The following FOXK2 variants were observed in gnomAD, a reference collection of about 807,000 sequenced individuals.
FOXK2 encodes forkhead box protein K2.
FOXK2 carries 24 observed loss-of-function variants against 53.3 expected under a neutral mutation model. The observed-to-expected ratio is 0.45, with a 90% CI of 0.33 to 0.63. The LOEUF is 0.63. FOXK2 is among the 30% of genes least tolerant of loss of function. The probability of loss-of-function intolerance (pLI) is 0.03; values close to 1 mark genes in which losing one functional copy is unlikely to be tolerated. For synonymous variants in FOXK2, 505 were observed against 407.1 expected (o/e 1.24, Z -2.89); for missense variants, 952 against 910.5 (o/e 1.05, Z -0.59).
chr17:82,585,884 C>A lies in FOXK2; in HGVS notation c.1280-20C>A. 2 of 1,599,598 alleles carry A rather than the reference C, an allele frequency of 1.3e-6. No individual in the cohort carries two copies. Among genetic ancestry groups the A allele is most frequent in the Non-Finnish European group, 1.7e-6 (2 of 1,170,906 alleles). On this transcript the variant is annotated intron_variant, in intron 6 of 8. Transcript: ENST00000335255. ...GAAGTCAGTATCTGTAAGTGTCAGT[C>A]CTGCTGTGTCTTTCACCAGGGTCAC...
intron 1 of FOXK2, among the ~76,000 whole-genome samples, chr17:82,544,856 T>C (rs1304222838): frequency 6.6e-6 from 1 of 152,092 alleles, no homozygotes; most frequent in Non-Finnish European, 1.5e-5. Flanking sequence ...GCAGTGCTAC[T>C]GTCTGTCCCC....
At chr17:82,551,771 G>A (rs1177917159) in intron 1 of FOXK2, among the ~76,000 whole-genome samples, 3 of 152,202 alleles carry the variant, frequency 2.0e-5, no homozygotes, top group African/African-American at 7.2e-5. Flanking sequence ...GCTATTTAGG[G>A]TTTCTAATGT....
chr17:82,533,339 A>C (rs2044490131), intron 1 of FOXK2, among the ~76,000 whole-genome samples: 1 of 152,086 alleles, frequency 6.6e-6, no homozygotes. Context: ...AAATGCAAAA[A>C]ATTAGCCAGG....
intron 8 of FOXK2, among the ~76,000 whole-genome samples, chr17:82,597,096 C>A (rs1403904195): frequency 6.6e-6 from 1 of 152,184 alleles, no homozygotes; most frequent in Non-Finnish European, 1.5e-5. Context: ...CGCGCTAAGC[C>A]GTGACTCCCT....
rs923450871 is a variant in FOXK2 at position 82,588,410 on chromosome 17, C to T, written c.1786+1138C>T. 23 of 163,234 alleles carry T rather than the reference C, an allele frequency of 1.4e-4. No homozygotes were observed. In the South Asian group the frequency reaches 1.6e-3, roughly 11 times the overall value. The allele number at this position is 163,234 out of a possible 1,614,324, so 10.1% of individuals were successfully genotyped here. On this transcript the variant is annotated intron_variant, in intron 8 of 8. Coordinates refer to ENST00000335255, the MANE Select transcript of FOXK2 (RefSeq NM_004514.4). The stretch of plus-strand genomic sequence containing the variant: ...GGAGGGCTGGCGATTGGAGGGCAGG[C>T]GGTTGGAGGGCTGGCTATTGGAGGG...
chr17:82,544,603 G>A (rs2044605518), intron 1 of FOXK2, among the ~76,000 whole-genome samples: 2 of 152,146 alleles, frequency 1.3e-5, no homozygotes, highest in African/African-American at 4.8e-5. Context: ...TCACTAAGTG[G>A]GCTAATTGAA....
Position 82,586,172 on chromosome 17 carries a change from G to A in FOXK2, c.1548G>A (p.Gln516=), listed in dbSNP as rs758838938. 2.5e-6 allele frequency: 4 copies of A among 1,611,610 alleles called. No individual in the cohort carries two copies. The highest frequency in any genetic ancestry group is 2.5e-6 in the Non-Finnish European group (3 of 1,179,166). The change falls in exon 7 of 9, where the codon CAG becomes CAA. Residue 516 remains glutamine, a synonymous_variant. Transcript: ENST00000335255. ...AVLAPPKAEA[Q]ENGDHREVKV... ...TGGCCCCTCCTAAGGCAGAGGCCCA[G>A]GAGAATGGAGACCACAGGGAAGTCA...
intron 8 of FOXK2, among the ~76,000 whole-genome samples, chr17:82,588,015 A>G (rs2045210945): frequency 6.6e-6 from 1 of 152,212 alleles, no homozygotes; most frequent in Admixed American, 6.5e-5. Flanking sequence ...AAGAGGGTAC[A>G]GGTCAGAAGG....
Position 82,542,164 on chromosome 17 carries a change from TTC to T in FOXK2, c.420-21188_420-21187del, listed in dbSNP as rs200380639. On this transcript the variant is annotated intron_variant, in intron 1 of 8. Coordinates refer to ENST00000335255, the MANE Select transcript of FOXK2 (RefSeq NM_004514.4). ...CCTCCACAAATTTTTTTTTTCTTCT[TTC>T]TTTTTTTTTTTTTTGAGACAGTTTC... 3.4e-3 allele frequency among the ~76,000 whole-genome samples: 458 copies of T among 133,382 alleles called. 2 individuals are homozygous for T. Among genetic ancestry groups the T allele is most frequent in the African/African-American group, 0.012 (434 of 37,454 alleles). The allele number at this position is 133,382 out of a possible 152,430, so 87.5% of individuals were successfully genotyped here. A position where few individuals can be genotyped will look rare whatever the true frequency, so the allele number is the denominator to read the frequency against.
intron 4 of FOXK2, chr17:82,576,852 AT>A: frequency 1.9e-6 from 1 of 531,760 alleles, no homozygotes; most frequent in South Asian, 2.1e-5. Context: ...TCTTCAATAT[AT>A]TTTTCTACCA....
At chr17:82,549,054 C>T (rs1225121137) in intron 1 of FOXK2, among the ~76,000 whole-genome samples, 3 of 152,216 alleles carry the variant, frequency 2.0e-5, no homozygotes, top group African/African-American at 7.2e-5. Context: ...CTGGCAGGAC[C>T]TGGAGTGGAA....
In FOXK2 at chr17:82,604,007, G is replaced by T. The variant is rs1377122517; in HGVS notation, c.*2508G>T. 6.6e-6 allele frequency: 1 copy of T among 152,218 alleles called. No homozygotes were observed. The highest frequency in any genetic ancestry group is 1.5e-5 in the Non-Finnish European group (1 of 68,052). 9.4% of individuals were successfully genotyped at this position (152,218 alleles called of 1,614,324 possible). The stretch of plus-strand genomic sequence containing the variant: ...CAAGAACTTGAGCACAGCAAGGGTT[G>T]CTGAGCTGCTGTCGCCGCAGCCCTG... On this transcript the variant is annotated 3_prime_UTR_variant, in exon 9 of 9. Transcript: ENST00000335255.
intron 7 of FOXK2, 140 bp from the exon 8 acceptor site, chr17:82,586,923 C>T (rs1044522643): frequency 1.3e-5 from 10 of 788,306 alleles, no homozygotes; most frequent in Admixed American, 2.7e-5. Flanking sequence ...AAGATTTGCT[C>T]ATCTTTTTCT....
chr17:82,532,324 A>G (rs1033581558), intron 1 of FOXK2, among the ~76,000 whole-genome samples: 56 of 151,534 alleles, frequency 3.7e-4, no homozygotes, highest in African/African-American at 1.4e-3. Flanking sequence ...TTGCATTTTT[A>G]GTGGAGACGG....
At chr17:82,540,409 T>C (rs573753598) in intron 1 of FOXK2, among the ~76,000 whole-genome samples, 2 of 152,338 alleles carry the variant, frequency 1.3e-5, no homozygotes, top group East Asian at 3.9e-4. Flanking sequence ...CCTGCACGAT[T>C]GTTGTTTGTG....
rs201763282 is a variant in FOXK2 at position 82,544,085 on chromosome 17, G to GT, written c.420-19261dup. Among the ~76,000 whole-genome samples the GT allele has an allele frequency of 8.7e-3, 1,325 of 151,696 alleles. 21 individuals carry two copies. The highest frequency in any genetic ancestry group is 0.03 in the African/African-American group (1,257 of 41,366). On this transcript the variant is annotated intron_variant, in intron 1 of 8. Transcript: ENST00000335255. ...GCCACCGTGCCCAGCCAAGCTTTTT[G>GT]TTTTTTTTATAGACATGAGGTCTCA...
intron 5 of FOXK2, 142 bp downstream of exon 5, chr17:82,583,076 G>A (rs957658929): frequency 3.8e-5 from 24 of 629,002 alleles, no homozygotes; most frequent in Admixed American, 3.7e-5. Flanking sequence ...GAGCAAAAGT[G>A]TTGGGTGCTG....
chr17:82,545,727 A>G (rs1175262445), intron 1 of FOXK2, among the ~76,000 whole-genome samples: 2 of 151,880 alleles, frequency 1.3e-5, no homozygotes, highest in African/African-American at 2.4e-5. Context: ...GATTATAGGT[A>G]CGCACCAGCA....
Position 82,587,209 on chromosome 17 carries a change from G to GTAACAC in FOXK2, c.1724_1729dup (p.Thr576_Gln577insLeuThr). The GTAACAC allele has an allele frequency of 6.2e-7, 1 of 1,613,102 alleles. No homozygotes were observed. The highest frequency in any genetic ancestry group is 2.2e-5 in the East Asian group (1 of 44,886). ...TCAACACCAGCTACCAATAAAAACTGTAACACAAAACGGCACTCACGTGGC... is the reference window on the plus strand; with the variant it reads ...TCAACACCAGCTACCAATAAAAACTGTAACACTAACACAAAACGGCACTCACGTGGC... On this transcript the variant is annotated inframe_insertion, in exon 8 of 9. Transcript: ENST00000335255.
Sources: allele counts gnomAD v4.1 joint callset (sites outside exome capture counted in the v4.1 genomes callset), GRCh38; gene constraint gnomAD v4.1.1; transcripts MANE v1.5; gene names NCBI Gene and HGNC (gene_info 2026-07-23, HGNC 2026-07-21).